ZIC5: variants seen among roughly 807,000 people sequenced by gnomAD.
The protein encoded by ZIC5 is zinc finger protein ZIC 5.
ZIC5 carries 20 observed loss-of-function variants against 28.5 expected under a neutral mutation model. That is an observed-to-expected ratio of 0.70 (90% confidence interval 0.49 to 1.02). ZIC5 has a LOEUF of 1.02. Among genes scored for constraint, ZIC5 ranks in the 50% least tolerant of loss-of-function variants. The probability of loss-of-function intolerance (pLI) is 0.00; values close to 1 mark genes in which losing one functional copy is unlikely to be tolerated. For missense variants in ZIC5, 951 were observed against 899.7 expected (o/e 1.06, Z -0.73); for synonymous variants, 488 against 410.4 (o/e 1.19, Z -2.29).
intron 1 of ZIC5, among the ~76,000 whole-genome samples, chr13:99,966,792 G>C (rs190696945): frequency 6.6e-6 from 1 of 152,118 alleles, no homozygotes; most frequent in African/African-American, 2.4e-5. Context: ...TCTAGTCCAG[G>C]AAATGGAAAT....
Position 99,970,605 on chromosome 13 carries a change from G to GGCGGC in ZIC5, c.998_999insGCCGC (p.Ala335ProfsTer86). 1.0e-6 allele frequency: 1 copy of GGCGGC among 1,004,274 alleles called. No individual in the cohort carries two copies. Among genetic ancestry groups the GGCGGC allele is most frequent in the South Asian group, 4.5e-5 (1 of 22,408 alleles). The allele number at this position is 1,004,274 out of a possible 1,614,324, so 62.2% of individuals were successfully genotyped here. A position where few individuals can be genotyped will look rare whatever the true frequency, so the allele number is the denominator to read the frequency against. On this transcript the variant is annotated frameshift_variant, in exon 1 of 2. Transcript: ENST00000267294. LOFTEE classifies it high-confidence loss of function. ...GCGCCGGCGGCGGCGGCGGCGCCGG[G>GGCGGC]GGCGGCGCGTGGTGCTGCAGGTGGG... is the stretch of plus-strand genomic sequence containing the variant.
chr13:99,971,467 G>T lies in ZIC5; in HGVS notation c.137C>A (p.Ala46Asp). The change falls in exon 1 of 2, where the codon GCC becomes GAC. Residue 46 changes from alanine (A) to aspartate (D), a missense_variant. Ala to Asp is a moderately radical substitution (Grantham distance 126, BLOSUM62 -2). Coordinates refer to ENST00000267294, the MANE Select transcript of ZIC5 (RefSeq NM_033132.5). The part of the protein sequence containing the change: ...AGPPAHSQLR[A>D]AVAHLRLRDL... ...CCGCAGGCGGAGGTGCGCGACGGCG[G>T]CCCGGAGTTGGGAGTGGGCGGGCGG... 2 of 1,548,340 alleles carry T rather than the reference G, an allele frequency of 1.3e-6. No individual in the cohort carries two copies. The highest frequency in any genetic ancestry group is 1.7e-6 in the Non-Finnish European group (2 of 1,146,086).
In ZIC5 at chr13:99,971,420, C is replaced by G; in HGVS notation, c.184G>C (p.Val62Leu). The G allele has an allele frequency of 6.5e-7, 1 of 1,532,488 alleles. No homozygotes were observed. The highest frequency in any genetic ancestry group is 8.8e-7 in the Non-Finnish European group (1 of 1,142,398). The allele number at this position is 1,532,488 out of a possible 1,614,324, so 94.9% of individuals were successfully genotyped here. ...TCGGGTCCGAGCGGAGTGGTGGCCA[C>G]GCCGGGGTCAGCGCCCAGGTCCCGC... ...RLRDLGADPG[V>L]ATTPLGPEHM... is the part of the protein sequence containing the mutation. Residue 62 changes from valine to leucine, a missense_variant, in exon 1 of 2, where the codon GTG (valine) becomes CTG (leucine). This residue lies in a region of ZIC5 where 784 missense variants were observed against 660.1 expected (regional missense o/e 1.19). Transcript: ENST00000267294.
chr13:99,970,996 G>T lies in ZIC5; in HGVS notation c.608C>A (p.Ser203Tyr). The T allele has an allele frequency of 2.1e-6, 3 of 1,405,952 alleles. No homozygotes were observed. The highest frequency in any genetic ancestry group is 2.7e-6 in the Non-Finnish European group (3 of 1,092,804). The allele number at this position is 1,405,952 out of a possible 1,614,324, so 87.1% of individuals were successfully genotyped here. The change falls in exon 1 of 2, where the codon TCC becomes TAC. Residue 203 changes from serine (S) to tyrosine (Y), a missense_variant. By Grantham distance (144) the Ser-to-Tyr change is moderately radical (BLOSUM62 -2). Transcript: ENST00000267294. ...LGGEQRSGTG[S>Y]PQHPAPPPHS... ...GGGAGGCGGGGCCGGGTGCTGGGGG[G>T]AGCCGGTGCCGGACCGCTGCTCCCC...
Position 99,971,457 on chromosome 13 carries a change from C to T in ZIC5, c.147G>A (p.Ala49=). ...CGCCCAGGTCCCGCAGGCGGAGGTG[C>T]GCGACGGCGGCCCGGAGTTGGGAGT... ...PAHSQLRAAV[A]HLRLRDLGAD... The change falls in exon 1 of 2, where the codon GCG becomes GCA. Residue 49 remains alanine, a synonymous_variant. Transcript: ENST00000267294. 6.5e-7 allele frequency: 1 copy of T among 1,546,886 alleles called. No homozygotes were observed. The highest frequency in any genetic ancestry group is 8.7e-7 in the Non-Finnish European group (1 of 1,145,720).
chr13:99,969,006 CG>C (rs2053123601), intron 1 of ZIC5, among the ~76,000 whole-genome samples: 1 of 152,222 alleles, frequency 6.6e-6, no homozygotes. Flanking sequence ...GATTACTGAA[CG>C]TAAACTCCAG....
intron 1 of ZIC5, among the ~76,000 whole-genome samples, chr13:99,968,107 G>A (rs1210722918): frequency 1.3e-5 from 2 of 152,224 alleles, no homozygotes; most frequent in Admixed American, 1.3e-4. Flanking sequence ...GAAGTGGCCC[G>A]GGGATTAGTC....
chr13:99,970,609 G>T lies in ZIC5; in HGVS notation c.995C>A (p.Pro332Gln). ...GPGPHLQHHA[P>Q]PPAPPPPPAP... ...CGGCGGCGGCGGCGGCGCCGGGGGC[G>T]GCGCGTGGTGCTGCAGGTGGGGCCC... is the stretch of plus-strand genomic sequence containing the variant. Residue 332 changes from proline (P) to glutamine (Q), a missense_variant, in exon 1 of 2, where the codon CCG becomes CAG. Around this residue, in one of 3 missense-constraint regions of ZIC5, gnomAD observed 784 missense variants for 660.1 expected, o/e 1.19. Coordinates refer to ENST00000267294, the MANE Select transcript of ZIC5 (RefSeq NM_033132.5). The T allele has an allele frequency of 2.0e-6, 2 of 1,012,056 alleles. No individual in the cohort carries two copies. The highest frequency in any genetic ancestry group is 2.3e-6 in the Non-Finnish European group (2 of 851,078). 62.7% of individuals were successfully genotyped at this position (1,012,056 alleles called of 1,614,324 possible). A position where few individuals can be genotyped will look rare whatever the true frequency, so the allele number is the denominator to read the frequency against.
chr13:99,970,407 GGGCGGTGGCGGC>G lies in ZIC5; in HGVS notation c.1185_1196del (p.Pro397_Pro400del). On this transcript the variant is annotated inframe_deletion, in exon 1 of 2. Transcript: ENST00000267294. ...AGCAGGGCTTGGCGCCGCCGGCCGG[GGGCGGTGGCGGC>G]GGCGGCGGCGGCGGCGGCGGCGGCG... The G allele has an allele frequency of 1.7e-6, 2 of 1,192,680 alleles. No homozygotes were observed. Among genetic ancestry groups the G allele is most frequent in the Non-Finnish European group, 2.1e-6 (2 of 966,408 alleles). The allele number at this position is 1,192,680 out of a possible 1,614,324, so 73.9% of individuals were successfully genotyped here. A position where few individuals can be genotyped will look rare whatever the true frequency, so the allele number is the denominator to read the frequency against.
In ZIC5 at chr13:99,970,455, G is replaced by T; in HGVS notation, c.1149C>A (p.Ala383=). 1 of 1,071,166 alleles carries T rather than the reference G, an allele frequency of 9.3e-7. No individual in the cohort carries two copies. The highest frequency in any genetic ancestry group is 8.0e-5 in the East Asian group (1 of 12,496). The allele number at this position is 1,071,166 out of a possible 1,614,324, so 66.4% of individuals were successfully genotyped here. ...ICKWIDPDEL[A]GLPPPPPPPP... The stretch of plus-strand genomic sequence containing the variant: ...GCGGCGGCGGCGGCGGCGGCAGCCC[G>T]GCCAGCTCGTCGGGGTCGATCCACT... The change falls in exon 1 of 2, where the codon GCC becomes GCA. Residue 383 remains alanine, a synonymous_variant. Transcript: ENST00000267294.
At chr13:99,971,833 G>A (rs180894222), upstream of ZIC5, 4 of 917,218 alleles carry the variant, frequency 4.4e-6, no homozygotes, top group African/African-American at 6.7e-5. Flanking sequence ...GGATTGGAGG[G>A]AGCCGCGTGA....
chr13:99,968,471 A>G (rs1176623890), intron 1 of ZIC5, among the ~76,000 whole-genome samples: 8 of 151,798 alleles, frequency 5.3e-5, no homozygotes. Context: ...GTGCCCCGGG[A>G]AGCCACCGGG....
intron 1 of ZIC5, among the ~76,000 whole-genome samples, chr13:99,968,431 C>A (rs1328991817): frequency 6.6e-6 from 1 of 152,068 alleles, no homozygotes; most frequent in Non-Finnish European, 1.5e-5. Flanking sequence ...TGGGGTCCCC[C>A]GCGCCCCCCC....
intron 1 of ZIC5, among the ~76,000 whole-genome samples, chr13:99,967,448 C>A (rs2053108607): frequency 6.6e-6 from 1 of 152,228 alleles, no homozygotes. Flanking sequence ...ATCAAAACAT[C>A]AGTGATTTGT....
intron 1 of ZIC5, among the ~76,000 whole-genome samples, chr13:99,968,571 C>G (rs1053720915): frequency 2.6e-5 from 4 of 152,046 alleles, no homozygotes; most frequent in Non-Finnish European, 4.4e-5. Flanking sequence ...GAAGGCCGCT[C>G]CCCTCGCGAG....
At chr13:99,967,599 T>C (rs867039585) in intron 1 of ZIC5, among the ~76,000 whole-genome samples, 1 of 152,230 alleles carries the variant, frequency 6.6e-6, no homozygotes, top group Non-Finnish European at 1.5e-5. Flanking sequence ...GAAGGTGCAA[T>C]GCTGTTTTTG....
At chr13:99,967,703 C>G (rs2053110453) in intron 1 of ZIC5, among the ~76,000 whole-genome samples, 1 of 151,956 alleles carries the variant, frequency 6.6e-6, no homozygotes, top group African/African-American at 2.4e-5. Context: ...AAAAGGGGAA[C>G]AATTAGACTC....
rs71114653 is a variant in ZIC5 at position 99,970,413 on chromosome 13, TGGCGGCGGCGGCGGCGGC to T, written c.1173_1190del (p.Pro395_Pro400del). ...GCTTGGCGCCGCCGGCCGGGGGCGG[TGGCGGCGGCGGCGGCGGC>T]GGCGGCGGCGGCGGCGGCAGCCCGG... is the stretch of plus-strand genomic sequence containing the variant. On this transcript the variant is annotated inframe_deletion, in exon 1 of 2. Transcript: ENST00000267294. 6.5e-4 allele frequency: 723 copies of T among 1,106,464 alleles called. 112 individuals are homozygous for T. Among genetic ancestry groups the T allele is most frequent in the East Asian group, 3.3e-3 (59 of 18,046 alleles). The allele number at this position is 1,106,464 out of a possible 1,614,324, so 68.5% of individuals were successfully genotyped here. A position where few individuals can be genotyped will look rare whatever the true frequency, so the allele number is the denominator to read the frequency against.
intron 1 of ZIC5, among the ~76,000 whole-genome samples, chr13:99,966,248 G>T (rs975097055): frequency 1.3e-5 from 2 of 152,188 alleles, no homozygotes; most frequent in African/African-American, 4.8e-5. Context: ...ACAGGCGGAA[G>T]TAAGCGTATA....
Sources: allele counts gnomAD v4.1 joint callset (sites outside exome capture counted in the v4.1 genomes callset), GRCh38; gene constraint gnomAD v4.1.1; regional missense constraint gnomAD v4.1.1; transcripts MANE v1.5; gene names NCBI Gene and HGNC (gene_info 2026-07-23, HGNC 2026-07-21).